AP1S3: variants seen among roughly 807,000 people sequenced by gnomAD.
AP1S3 encodes adaptor related protein complex 1 subunit sigma 3, also known as AP-1 complex subunit sigma-3.
Under a neutral mutation model 20.9 loss-of-function variants are expected in AP1S3, and 10 were observed. The observed-to-expected ratio is 0.48, with a 90% confidence interval of 0.29 to 0.81. The LOEUF (loss-of-function observed/expected upper bound fraction) is 0.81, where lower values mean the gene tolerates loss of function less well. Ranked by LOEUF, AP1S3 falls within the 30% of genes least tolerant of loss-of-function variation. The pLI is 0.08. For synonymous variants in AP1S3, 41 were observed against 61.5 expected (o/e 0.67, Z 1.56); for missense variants, 154 against 183.8 (o/e 0.84, Z 0.94).
chr2:223,833,197 A>G (rs898853366), intron 1 of AP1S3, among the ~76,000 whole-genome samples: 20 of 152,098 alleles, frequency 1.3e-4, no homozygotes, highest in Admixed American at 5.9e-4. Context: ...AAAGCATTTC[A>G]AATGTCACTG....
At position 223,758,488 on chromosome 2, in the gene AP1S3, C is replaced by T. The variant is rs927400060; in HGVS notation, c.*227G>A. ...TGGTAGTTACTTTAAACATTTAGAG[C>T]TACAAGTACCTATACAGTATAACAC... is the stretch of plus-strand genomic sequence containing the variant. On this transcript the variant is annotated 3_prime_UTR_variant, in exon 5 of 5. Coordinates refer to ENST00000396654, the MANE Select transcript of AP1S3 (RefSeq NM_001039569.2). The T allele has an allele frequency of 9.2e-6, 11 of 1,200,410 alleles. No individual in the cohort carries two copies. Among genetic ancestry groups the T allele is most frequent in the Middle Eastern group, 3.3e-4 (1 of 3,010 alleles). 74.4% of individuals were successfully genotyped at this position (1,200,410 alleles called of 1,614,324 possible). A position where few individuals can be genotyped will look rare whatever the true frequency, so the allele number is the denominator to read the frequency against.
At chr2:223,810,799 C>T (rs1691705962) in intron 1 of AP1S3, among the ~76,000 whole-genome samples, 1 of 152,018 alleles carries the variant, frequency 6.6e-6, no homozygotes, top group Non-Finnish European at 1.5e-5. Flanking sequence ...TGGAAAACTC[C>T]TAATAAAGTA....
At chr2:223,798,017 T>C (rs1225166534) in intron 1 of AP1S3, among the ~76,000 whole-genome samples, 4 of 152,356 alleles carry the variant, frequency 2.6e-5, no homozygotes, top group Non-Finnish European at 5.9e-5. Context: ...CTCGCTTCTA[T>C]ATCTCAGCCG....
intron 1 of AP1S3, among the ~76,000 whole-genome samples, chr2:223,814,259 G>T (rs1691795809): frequency 6.6e-6 from 1 of 152,158 alleles, no homozygotes; most frequent in South Asian, 2.1e-4. Context: ...AGAGGCCTCA[G>T]TGGATACGGC....
intron 1 of AP1S3, among the ~76,000 whole-genome samples, chr2:223,819,593 T>C (rs1163847537): frequency 8.2e-6 from 1 of 121,256 alleles, no homozygotes; most frequent in African/African-American, 3.1e-5. Context: ...TCAAGATGCC[T>C]TGTGTAAAAA....
intron 1 of AP1S3, among the ~76,000 whole-genome samples, chr2:223,805,448 A>T (rs1200420155): frequency 6.6e-6 from 1 of 152,168 alleles, no homozygotes; most frequent in African/African-American, 2.4e-5. Flanking sequence ...ATCTCAAAAA[A>T]AAAATTGTTA....
intron 3 of AP1S3, among the ~76,000 whole-genome samples, chr2:223,770,613 C>T (rs576307997): frequency 6.6e-6 from 1 of 151,580 alleles, no homozygotes; most frequent in Admixed American, 6.6e-5. Flanking sequence ...AATGTTACAA[C>T]TGAGCAACTA....
At chr2:223,834,938 C>G (rs1475363509) in intron 1 of AP1S3, among the ~76,000 whole-genome samples, 1 of 152,126 alleles carries the variant, frequency 6.6e-6, no homozygotes, top group Non-Finnish European at 1.5e-5. Context: ...GTTGGACTTT[C>G]CTATCTGCAT....
intron 1 of AP1S3, among the ~76,000 whole-genome samples, chr2:223,797,409 C>T (rs1691364183): frequency 6.6e-6 from 1 of 152,090 alleles, no homozygotes; most frequent in Admixed American, 6.5e-5. Context: ...TCCCAAAAGC[C>T]TGAAATCTGG....
At chr2:223,780,355 AGAGT>A (rs1559280881) in intron 1 of AP1S3, among the ~76,000 whole-genome samples, 37 of 54,960 alleles carry the variant, frequency 6.7e-4, no homozygotes, top group South Asian at 1.2e-3. Context: ...AGAGAGAGAG[AGAGT>A]GTGTGTGTGT....
At chr2:223,826,036 C>G (rs141681598) in intron 1 of AP1S3, among the ~76,000 whole-genome samples, 1 of 152,268 alleles carries the variant, frequency 6.6e-6, no homozygotes, top group Non-Finnish European at 1.5e-5. Flanking sequence ...CACAGATGAA[C>G]AGGTGAGAAA....
At chr2:223,778,552 C>T (rs1265977051) in intron 1 of AP1S3, among the ~76,000 whole-genome samples, 1 of 151,812 alleles carries the variant, frequency 6.6e-6, no homozygotes, top group Non-Finnish European at 1.5e-5. Flanking sequence ...TTAAGAACAA[C>T]AGAAGGATTT....
intron 1 of AP1S3, among the ~76,000 whole-genome samples, chr2:223,794,500 T>G (rs984246547): frequency 3.3e-5 from 5 of 152,180 alleles, no homozygotes; most frequent in Admixed American, 3.3e-4. Context: ...CCAGATACAA[T>G]AAACTCAACT....
Position 223,788,876 on chromosome 2 carries a change from T to G in AP1S3, c.4-11007A>C, listed in dbSNP as rs143601904. On this transcript the variant is annotated intron_variant, in intron 1 of 4. Transcript: ENST00000396654. Reference sequence around the variant, plus strand: ...TGAAAAGCTATGTATGTAAGGTTTCTGAACTTCCATCTCTAGCTTTGTCAT... The same window carrying G: ...TGAAAAGCTATGTATGTAAGGTTTCGGAACTTCCATCTCTAGCTTTGTCAT... Among the ~76,000 whole-genome samples the G allele has an allele frequency of 7.2e-5, 11 of 152,278 alleles. No homozygotes were observed. In the East Asian group the frequency reaches 2.1e-3, roughly 29 times the overall value.
chr2:223,782,292 T>C (rs1690969312), intron 1 of AP1S3, among the ~76,000 whole-genome samples: 1 of 152,166 alleles, frequency 6.6e-6, no homozygotes, highest in Admixed American at 6.6e-5. Flanking sequence ...GGATTACAGG[T>C]GTAAGCCACT....
intron 1 of AP1S3, among the ~76,000 whole-genome samples, chr2:223,780,229 G>A (rs1049967418): frequency 7.1e-6 from 1 of 140,124 alleles, no homozygotes; most frequent in African/African-American, 2.7e-5. Flanking sequence ...TCCCACCTCA[G>A]CCTCCCTGGT....
rs117008917 is a variant in AP1S3, at chr2:223,783,640, A to T, written c.4-5771T>A. Among the ~76,000 whole-genome samples the T allele has an allele frequency of 1.0e-3, 155 of 152,302 alleles. No individual in the cohort carries two copies. The East Asian group carries it at 0.027, about 27-fold the overall frequency. On this transcript the variant is annotated intron_variant, in intron 1 of 4. Coordinates refer to ENST00000396654, the MANE Select transcript of AP1S3 (RefSeq NM_001039569.2). ...CGCATCTTCCTTCTAGGTGAAGAGG[A>T]ACCCTGAAGGCTTCCAGTAGCAGCT...
rs553645401 is a variant in AP1S3, at chr2:223,812,323, G to T, written c.3+25125C>A. ...TGCAACCTCCACCTCCTCGGTTCAA[G>T]TGATTTTCCTGTCTCAGCCTCCCGA... On this transcript the variant is annotated intron_variant, in intron 1 of 4. Coordinates refer to ENST00000396654, the MANE Select transcript of AP1S3 (RefSeq NM_001039569.2). 5.9e-5 allele frequency among the ~76,000 whole-genome samples: 9 copies of T among 152,340 alleles called. No individual in the cohort carries two copies. The East Asian group carries it at 1.7e-3, about 29-fold the overall frequency.
intron 1 of AP1S3, among the ~76,000 whole-genome samples, chr2:223,833,530 T>C (rs1259771779): frequency 6.6e-6 from 1 of 152,170 alleles, no homozygotes; most frequent in African/African-American, 2.4e-5. Context: ...CCAGGGTCAC[T>C]GGCACCATGG....
Sources: allele counts gnomAD v4.1 joint callset (sites outside exome capture counted in the v4.1 genomes callset), GRCh38; gene constraint gnomAD v4.1.1; transcripts MANE v1.5; gene names NCBI Gene and HGNC (gene_info 2026-07-23, HGNC 2026-07-21).